Variants in UNC5C observed in about 807,000 individuals in gnomAD.
UNC5C encodes unc-5 netrin receptor C.
Under a neutral mutation model 99.8 loss-of-function variants are expected in UNC5C, and 47 were observed. The ratio of observed to expected loss-of-function variants is 0.47; its 90% CI spans 0.37 to 0.60. The LOEUF (loss-of-function observed/expected upper bound fraction) is 0.60. Among genes scored for constraint, UNC5C ranks in the 20% least tolerant of loss-of-function variants. UNC5C has a pLI of 0.00. For missense variants in UNC5C, 1,062 were observed against 1,165.9 expected, an observed-to-expected ratio of 0.91 and a Z score of 1.30; for synonymous variants, 487 against 452.2, an observed-to-expected ratio of 1.08 and a Z score of -0.98.
intron 10 of UNC5C, among the ~76,000 whole-genome samples, chr4:95,214,967 A>C (rs138877862): frequency 0.012 from 1,835 of 152,308 alleles, 21 homozygotes; most frequent in Non-Finnish European, 0.02. Flanking sequence ...TCTGTTGCTC[A>C]AATTTAAGGC....
At chr4:95,375,904 C>T (rs899790362) in intron 1 of UNC5C, among the ~76,000 whole-genome samples, 4 of 151,872 alleles carry the variant, frequency 2.6e-5, no homozygotes, top group Admixed American at 1.3e-4. Flanking sequence ...GGTGAAACCC[C>T]GTCTCTACTA....
At chr4:95,545,604 G>A (rs535673679) in intron 1 of UNC5C, among the ~76,000 whole-genome samples, 5 of 152,090 alleles carry the variant, frequency 3.3e-5, no homozygotes, top group South Asian at 4.2e-4. Context: ...AATCTAATTA[G>A]AGACTTCAGT....
chr4:95,230,746 C>T (rs1212679757), intron 7 of UNC5C, among the ~76,000 whole-genome samples: 6 of 151,520 alleles, frequency 4.0e-5, no homozygotes. Context: ...TTGCTTCTGG[C>T]ATCCAAGATC....
At chr4:95,288,773 A>G (rs1347726550) in intron 3 of UNC5C, among the ~76,000 whole-genome samples, 1 of 152,132 alleles carries the variant, frequency 6.6e-6, no homozygotes, top group Non-Finnish European at 1.5e-5. Flanking sequence ...CTCTTCTTCA[A>G]TCTGTGTCAA....
intron 1 of UNC5C, among the ~76,000 whole-genome samples, chr4:95,445,942 T>C (rs1167517738): frequency 6.8e-6 from 1 of 147,172 alleles, no homozygotes; most frequent in African/African-American, 2.5e-5. Context: ...ATCACGTTTC[T>C]GGAAGATAAC....
chr4:95,188,211 C>T (rs1413312262), intron 12 of UNC5C, among the ~76,000 whole-genome samples: 1 of 152,078 alleles, frequency 6.6e-6, no homozygotes, highest in Non-Finnish European at 1.5e-5. Context: ...TCACTAGTAC[C>T]TGGGGAAGAA....
At chr4:95,434,124 T>G (rs1326533714) in intron 1 of UNC5C, among the ~76,000 whole-genome samples, 1 of 152,126 alleles carries the variant, frequency 6.6e-6, no homozygotes, top group Non-Finnish European at 1.5e-5. Context: ...TGTTCCATGA[T>G]TGTAGGGACT....
intron 2 of UNC5C, among the ~76,000 whole-genome samples, chr4:95,307,816 A>T (rs1160706483): frequency 6.6e-6 from 1 of 152,252 alleles, no homozygotes; most frequent in Non-Finnish European, 1.5e-5. Flanking sequence ...ATGTTTCAAC[A>T]TTTACAAATC....
chr4:95,451,015 G>A (rs937943035), intron 1 of UNC5C, among the ~76,000 whole-genome samples: 1 of 152,112 alleles, frequency 6.6e-6, no homozygotes, highest in Non-Finnish European at 1.5e-5. Flanking sequence ...TAAAGTAAAG[G>A]TATTCATACT....
intron 1 of UNC5C, among the ~76,000 whole-genome samples, chr4:95,514,453 C>A (rs562378186): frequency 1.2e-3 from 188 of 151,950 alleles, no homozygotes; most frequent in African/African-American, 4.1e-3. Context: ...GAGGTTAAAT[C>A]ATCTCTGAGA....
At chr4:95,491,392 TAAACA>T (rs1721487415) in intron 1 of UNC5C, among the ~76,000 whole-genome samples, 1 of 151,648 alleles carries the variant, frequency 6.6e-6, no homozygotes, top group South Asian at 2.1e-4. Flanking sequence ...GCAAAGAGAC[TAAACA>T]AAAGTTATTT....
chr4:95,517,048 G>A (rs1722236824), intron 1 of UNC5C, among the ~76,000 whole-genome samples: 1 of 151,998 alleles, frequency 6.6e-6, no homozygotes, highest in South Asian at 2.1e-4. Context: ...TGTAAACTAG[G>A]GATAACATCA....
At chr4:95,383,262 TACACACACAC>T (rs35068196) in intron 1 of UNC5C, among the ~76,000 whole-genome samples, 79 of 150,944 alleles carry the variant, frequency 5.2e-4, no homozygotes, top group African/African-American at 1.3e-3. Context: ...TGTGTGTGTT[TACACACACAC>T]ACACACACAC....
At position 95,301,736 on chromosome 4, in the gene UNC5C, C is replaced by G; in HGVS notation, c.360G>C (p.Arg120=). The G allele has an allele frequency of 6.2e-7, 1 of 1,612,778 alleles. No homozygotes were observed. The highest frequency in any genetic ancestry group is 8.5e-7 in the Non-Finnish European group (1 of 1,179,980). The change falls in exon 3 of 16, where the codon CGG becomes CGC. Residue 120 remains arginine, a synonymous_variant. Transcript: ENST00000453304. ...GGCGCGAAATCTCAATGCTCACTTC[C>G]CGGACAATGAGACCTGACAAGAGAA... The part of the protein sequence containing the change: ...RVDETSGLIV[R]EVSIEISRQQ...
chr4:95,234,055 A>G (rs1302877561), intron 7 of UNC5C, among the ~76,000 whole-genome samples: 1 of 152,092 alleles, frequency 6.6e-6, no homozygotes, highest in Non-Finnish European at 1.5e-5. Flanking sequence ...GCATTTTTTG[A>G]GATTTCTTAA....
At chr4:95,548,552 A>G (rs1560502379) in intron 1 of UNC5C, among the ~76,000 whole-genome samples, 182 bp downstream of exon 1, 1 of 151,550 alleles carries the variant, frequency 6.6e-6, no homozygotes, top group Admixed American at 6.6e-5. Context: ...CATAATAATA[A>G]TAATAATTAT....
intron 3 of UNC5C, among the ~76,000 whole-genome samples, chr4:95,279,168 A>G (rs1275549788): frequency 6.6e-6 from 1 of 152,208 alleles, no homozygotes; most frequent in African/African-American, 2.4e-5. Context: ...GCTGGAATCT[A>G]TAAGGAAGAA....
At chr4:95,447,057 T>A (rs759959707) in intron 1 of UNC5C, among the ~76,000 whole-genome samples, 15 of 152,288 alleles carry the variant, frequency 9.8e-5, no homozygotes, top group Non-Finnish European at 2.1e-4. Context: ...ATACTTGGAG[T>A]TATAGAATCA....
chr4:95,482,767 C>A (rs1190428101), intron 1 of UNC5C, among the ~76,000 whole-genome samples: 3 of 121,678 alleles, frequency 2.5e-5, no homozygotes, highest in Non-Finnish European at 5.2e-5. Context: ...GGACAAAAAA[C>A]CAAACACCGC....
Sources: gnomAD v4.1 joint callset for allele counts (sites outside exome capture counted in the v4.1 genomes callset) on GRCh38, gnomAD v4.1.1 for gene constraint, MANE v1.5 for transcripts, NCBI Gene and HGNC (gene_info 2026-07-23, HGNC 2026-07-21) for gene names.